The following SLCO5A1 variants were observed in gnomAD, a reference collection of about 807,000 sequenced individuals.
SLCO5A1 encodes the protein organic anion transporter polypeptide-related protein 4.
Under a neutral mutation model 65.1 loss-of-function variants are expected in SLCO5A1, and 39 were observed. The ratio of observed to expected loss-of-function variants is 0.60; its 90% CI spans 0.46 to 0.78. SLCO5A1 has a LOEUF of 0.78. Among genes scored for constraint, SLCO5A1 ranks in the 30% least tolerant of loss-of-function variants. SLCO5A1 has a pLI of 0.00. For missense variants in SLCO5A1, 1,029 were observed against 1,069.4 expected (o/e 0.96, Z 0.53); for synonymous variants, 438 against 415.7 (o/e 1.05, Z -0.65).
intron 5 of SLCO5A1, 78 bp from the exon 6 acceptor site, chr8:69,705,307 A>C: frequency 7.1e-7 from 1 of 1,401,986 alleles, no homozygotes; most frequent in Non-Finnish European, 9.9e-7. Flanking sequence ...TCTCTTGCTC[A>C]GTAGTACTGA....
chr8:69,788,158 T>G (rs1271963702), intron 2 of SLCO5A1, among the ~76,000 whole-genome samples: 1 of 152,196 alleles, frequency 6.6e-6, no homozygotes, highest in African/African-American at 2.4e-5. Flanking sequence ...TATTCACTAG[T>G]TCAGCAACTC....
chr8:69,692,222 G>A (rs917563126), intron 6 of SLCO5A1, among the ~76,000 whole-genome samples: 11 of 152,108 alleles, frequency 7.2e-5, no homozygotes, highest in East Asian at 1.9e-4. Context: ...GCACTCCAGC[G>A]TGGGCAACAG....
At chr8:69,794,537 T>C (rs1001260270) in intron 2 of SLCO5A1, 7 of 380,708 alleles carry the variant, frequency 1.8e-5, no homozygotes, top group Non-Finnish European at 3.1e-5. Context: ...CTTTCAGCTC[T>C]CTATGTGGAT....
chr8:69,768,247 C>A (rs1297702847), intron 2 of SLCO5A1, among the ~76,000 whole-genome samples: 1 of 152,134 alleles, frequency 6.6e-6, no homozygotes, highest in African/African-American at 2.4e-5. Context: ...ACATGGGAGG[C>A]ATTCAATATG....
At chr8:69,755,972 C>T (rs1403224940) in intron 3 of SLCO5A1, among the ~76,000 whole-genome samples, 1 of 151,990 alleles carries the variant, frequency 6.6e-6, no homozygotes, top group Non-Finnish European at 1.5e-5. Flanking sequence ...ATGATAAATC[C>T]CTAAATTATA....
At chr8:69,715,865 G>A (rs1343775855) in intron 5 of SLCO5A1, among the ~76,000 whole-genome samples, 1 of 152,076 alleles carries the variant, frequency 6.6e-6, no homozygotes, top group Non-Finnish European at 1.5e-5. Context: ...TACTTAAAGT[G>A]TACAGTTTAA....
chr8:69,704,631 G>C (rs1814889591), intron 6 of SLCO5A1, among the ~76,000 whole-genome samples: 1 of 152,184 alleles, frequency 6.6e-6, no homozygotes, highest in Non-Finnish European at 1.5e-5. Flanking sequence ...GGAAGAGCTA[G>C]GTGGATGGAG....
rs1206512773 is a variant in SLCO5A1 at position 69,831,902 on chromosome 8, T to C, written c.772A>G (p.Asn258Asp). ...AAAGCCACGTAGACCCAGTGATTATTTCCTCCCGAGTCCTTCGGACAGGCC... is the reference window on the plus strand; with the variant it reads ...AAAGCCACGTAGACCCAGTGATTATCTCCTCCCGAGTCCTTCGGACAGGCC... ...PPACPKDSGG[N>D]NHWVYVALFI... is the part of the protein sequence containing the mutation. Residue 258 changes from asparagine (N) to aspartate (D), a missense_variant, in exon 2 of 10, where the codon AAT (asparagine) becomes GAT (aspartate). By Grantham distance (23) the Asn-to-Asp change is conservative. Around this residue, in one of 3 missense-constraint regions of SLCO5A1, gnomAD observed 647 missense variants for 647.5 expected, o/e 1.00. Coordinates refer to ENST00000260126, the MANE Select transcript of SLCO5A1 (RefSeq NM_030958.3). 1.2e-5 allele frequency: 19 copies of C among 1,609,750 alleles called. No homozygotes were observed. Among genetic ancestry groups the C allele is most frequent in the Non-Finnish European group, 1.6e-5 (19 of 1,178,786 alleles).
At chr8:69,777,409 A>T (rs1435026612) in intron 2 of SLCO5A1, among the ~76,000 whole-genome samples, 2 of 150,390 alleles carry the variant, frequency 1.3e-5, no homozygotes, top group African/African-American at 4.9e-5. Flanking sequence ...GGTCAGGCGG[A>T]AGGAGGGATT....
chr8:69,813,868 T>C (rs1052241389), intron 2 of SLCO5A1, among the ~76,000 whole-genome samples: 4 of 152,138 alleles, frequency 2.6e-5, no homozygotes, highest in Admixed American at 1.3e-4. Context: ...GACTTCTCCC[T>C]CCCCTCTTTG....
intron 6 of SLCO5A1, among the ~76,000 whole-genome samples, chr8:69,684,734 T>G (rs2959589): frequency 0.41 from 62,195 of 151,930 alleles, 13,081 homozygotes; most frequent in South Asian, 0.55. Flanking sequence ...GTACACTGCT[T>G]CTCTAATAAA....
intron 4 of SLCO5A1, among the ~76,000 whole-genome samples, chr8:69,746,207 T>G (rs891935327): frequency 2.6e-5 from 4 of 152,050 alleles, no homozygotes; most frequent in African/African-American, 9.7e-5. Flanking sequence ...GATTGTCCAA[T>G]AAAGATATTT....
chr8:69,808,399 A>G (rs1181824491), intron 2 of SLCO5A1, among the ~76,000 whole-genome samples: 3 of 152,248 alleles, frequency 2.0e-5, no homozygotes, highest in Non-Finnish European at 2.9e-5. Context: ...GCTCCCACTT[A>G]TAAGTGAGAA....
chr8:69,768,830 A>T (rs573774487), intron 2 of SLCO5A1, among the ~76,000 whole-genome samples: 1 of 152,254 alleles, frequency 6.6e-6, no homozygotes, highest in African/African-American at 2.4e-5. Context: ...AGTCCCTAGC[A>T]GATACCAACC....
At chr8:69,772,155 A>T (rs544129207) in intron 2 of SLCO5A1, among the ~76,000 whole-genome samples, 3 of 152,290 alleles carry the variant, frequency 2.0e-5, no homozygotes, top group Non-Finnish European at 4.4e-5. Context: ...GTTCCATGGG[A>T]TCACTTGCAA....
chr8:69,714,909 G>A (rs1815440986), intron 5 of SLCO5A1: 1 of 152,174 alleles, frequency 6.6e-6, no homozygotes. Flanking sequence ...AAGGTCTGGG[G>A]ATCACTGAAG....
intron 5 of SLCO5A1, among the ~76,000 whole-genome samples, chr8:69,722,373 C>T (rs1815867599): frequency 6.6e-6 from 1 of 151,952 alleles, no homozygotes; most frequent in Non-Finnish European, 1.5e-5. Flanking sequence ...TCTCCTTATA[C>T]AGATAAGAAA....
intron 2 of SLCO5A1, among the ~76,000 whole-genome samples, chr8:69,804,212 T>G (rs1244426162): frequency 6.6e-6 from 1 of 152,220 alleles, no homozygotes; most frequent in African/African-American, 2.4e-5. Flanking sequence ...GGGCATAAGA[T>G]AAAACCAGTC....
rs1813349143 is a variant in SLCO5A1, at chr8:69,672,075, G to T, written c.*794C>A. ...TCAAATTACAGTTTCTAGCCATATTGTTTAGCACACTAGTTTTAATGCTCC... is the reference window on the plus strand; with the variant it reads ...TCAAATTACAGTTTCTAGCCATATTTTTTAGCACACTAGTTTTAATGCTCC... On this transcript the variant is annotated 3_prime_UTR_variant, in exon 10 of 10. Transcript: ENST00000260126. 1 of 152,162 alleles carries T rather than the reference G, an allele frequency of 6.6e-6. No homozygotes were observed. The highest frequency in any genetic ancestry group is 2.1e-4 in the South Asian group (1 of 4,830). The allele number at this position is 152,162 out of a possible 1,614,324, so 9.4% of individuals were successfully genotyped here.
Sources: allele counts gnomAD v4.1 joint callset (sites outside exome capture counted in the v4.1 genomes callset), GRCh38; gene constraint gnomAD v4.1.1; regional missense constraint gnomAD v4.1.1; transcripts MANE v1.5; gene names NCBI Gene and HGNC (gene_info 2026-07-23, HGNC 2026-07-21).